The following SNTG1 variants were observed in gnomAD, a reference collection of about 807,000 sequenced individuals.
SNTG1 encodes the protein syntrophin gamma 1, also known as gamma-1-syntrophin.
A neutral mutation model predicts 74.7 loss-of-function variants in SNTG1; 39 were observed. The observed-to-expected ratio is 0.52, with a 90% CI of 0.40 to 0.68. SNTG1 has a LOEUF of 0.68. SNTG1 is among the 30% of genes least tolerant of loss of function. SNTG1 has a pLI of 0.00. For missense variants in SNTG1, 685 were observed against 609.5 expected (o/e 1.12, Z -1.30); for synonymous variants, 254 against 217.1 (o/e 1.17, Z -1.49).
chr8:50,398,473 G>C (rs1011943784), intron 3 of SNTG1, among the ~76,000 whole-genome samples: 1 of 152,050 alleles, frequency 6.6e-6, no homozygotes, highest in Non-Finnish European at 1.5e-5. Context: ...AATGACATTT[G>C]TTCCTCTAAT....
chr8:50,586,085 C>T (rs575934591), intron 12 of SNTG1, among the ~76,000 whole-genome samples: 68 of 152,248 alleles, frequency 4.5e-4, no homozygotes, highest in African/African-American at 1.6e-3. Flanking sequence ...CATTTGGCAC[C>T]TGAGTGTGCA....
intron 2 of SNTG1, among the ~76,000 whole-genome samples, chr8:50,314,849 G>T (rs1412711070): frequency 6.7e-6 from 1 of 149,584 alleles, no homozygotes; most frequent in East Asian, 2.0e-4. Flanking sequence ...CCTCTTTTGA[G>T]CACTTTTACT....
intron 2 of SNTG1, among the ~76,000 whole-genome samples, chr8:50,242,831 CAT>C (rs1303908306): frequency 1.5e-4 from 22 of 150,752 alleles, no homozygotes; most frequent in African/African-American, 4.8e-4. Flanking sequence ...TGTAAATAAA[CAT>C]AGAAAATATA....
intron 1 of SNTG1, among the ~76,000 whole-genome samples, chr8:49,994,126 C>T (rs1267012940): frequency 3.3e-5 from 5 of 151,872 alleles, no homozygotes; most frequent in African/African-American, 1.2e-4. Context: ...ATGGATATAC[C>T]TATAAAACTT....
At chr8:50,690,538 T>C (rs1181597927) in intron 15 of SNTG1, among the ~76,000 whole-genome samples, 6 of 152,208 alleles carry the variant, frequency 3.9e-5, no homozygotes, top group Admixed American at 3.9e-4. Flanking sequence ...GTTGTTCATT[T>C]TCCATGTAGT....
intron 2 of SNTG1, among the ~76,000 whole-genome samples, chr8:50,364,768 G>A (rs1410877502): frequency 6.6e-6 from 1 of 151,864 alleles, no homozygotes; most frequent in Non-Finnish European, 1.5e-5. Flanking sequence ...ATTTTACTCA[G>A]CATTTTTAGG....
intron 1 of SNTG1, among the ~76,000 whole-genome samples, chr8:49,925,952 C>T (rs1010744754): frequency 6.6e-6 from 1 of 152,134 alleles, no homozygotes; most frequent in Non-Finnish European, 1.5e-5. Flanking sequence ...TATGAGCACA[C>T]TTGATCACTT....
intron 15 of SNTG1, among the ~76,000 whole-genome samples, chr8:50,678,872 C>A (rs1296049408): frequency 6.6e-6 from 1 of 151,944 alleles, no homozygotes; most frequent in Non-Finnish European, 1.5e-5. Flanking sequence ...AAATAATGCA[C>A]TCCTGTGGTA....
intron 13 of SNTG1, among the ~76,000 whole-genome samples, chr8:50,603,195 G>A (rs548899494): frequency 6.6e-6 from 1 of 152,170 alleles, no homozygotes; most frequent in African/African-American, 2.4e-5. Context: ...GAATGTGCTT[G>A]ATTAATTTGT....
At chr8:50,771,715 T>C (rs1317006634) in intron 18 of SNTG1, among the ~76,000 whole-genome samples, 1 of 151,812 alleles carries the variant, frequency 6.6e-6, no homozygotes, top group Non-Finnish European at 1.5e-5. Context: ...TTGAGGCCAG[T>C]CTCATCACAG....
chr8:50,327,486 C>G (rs2090795080), intron 2 of SNTG1, among the ~76,000 whole-genome samples: 1 of 152,104 alleles, frequency 6.6e-6, no homozygotes, highest in African/African-American at 2.4e-5. Flanking sequence ...CCCCAGCTTT[C>G]TTTTGATTTG....
intron 15 of SNTG1, among the ~76,000 whole-genome samples, chr8:50,688,911 T>C (rs2131430261): frequency 6.6e-6 from 1 of 152,216 alleles, no homozygotes; most frequent in South Asian, 2.1e-4. Context: ...CTCCCATTTG[T>C]TTGTATCCTC....
At chr8:50,212,058 T>C (rs1385066334) in intron 2 of SNTG1, among the ~76,000 whole-genome samples, 1 of 152,190 alleles carries the variant, frequency 6.6e-6, no homozygotes, top group Non-Finnish European at 1.5e-5. Context: ...CTATCACGCA[T>C]TTTGGCAACA....
At chr8:50,398,615 A>G (rs1461404304) in intron 3 of SNTG1, among the ~76,000 whole-genome samples, 2 of 152,144 alleles carry the variant, frequency 1.3e-5, no homozygotes, top group African/African-American at 4.8e-5. Context: ...ATTGTGTTTT[A>G]TTACATATGT....
At chr8:50,597,380 C>CACATATAT (rs58713973) in intron 13 of SNTG1, among the ~76,000 whole-genome samples, 67,948 of 130,664 alleles carry the variant, frequency 0.52, 19,696 homozygotes, top group East Asian at 0.67. Flanking sequence ...TGTATATATA[C>CACATATAT]ACATATATAC....
chr8:50,438,205 T>C (rs2093324186), intron 4 of SNTG1, among the ~76,000 whole-genome samples: 1 of 152,094 alleles, frequency 6.6e-6, no homozygotes, highest in Non-Finnish European at 1.5e-5. Flanking sequence ...AAACTTATCA[T>C]TTCTTAGAAA....
At chr8:50,331,264 C>A (rs1420874725) in intron 2 of SNTG1, among the ~76,000 whole-genome samples, 4 of 152,028 alleles carry the variant, frequency 2.6e-5, no homozygotes, top group African/African-American at 9.7e-5. Flanking sequence ...CAGCAGCACA[C>A]CTTGTGGGGC....
intron 4 of SNTG1, among the ~76,000 whole-genome samples, chr8:50,431,129 C>T (rs1276638176): frequency 6.6e-6 from 1 of 152,156 alleles, no homozygotes; most frequent in Non-Finnish European, 1.5e-5. Flanking sequence ...CTTCTTTAGT[C>T]CTGAATAATT....
chr8:49,985,289 A>T (rs1250712594), intron 1 of SNTG1, among the ~76,000 whole-genome samples: 1 of 152,174 alleles, frequency 6.6e-6, no homozygotes, highest in Non-Finnish European at 1.5e-5. Flanking sequence ...ACAGGTGCGC[A>T]TCGCCATGCC....
Sources: gnomAD v4.1 joint callset for allele counts (sites outside exome capture counted in the v4.1 genomes callset) on GRCh38, gnomAD v4.1.1 for gene constraint, MANE v1.5 for transcripts, NCBI Gene and HGNC (gene_info 2026-07-23, HGNC 2026-07-21) for gene names.